The following MRGPRX3 variants were observed in gnomAD, a reference collection of about 807,000 sequenced individuals.
MRGPRX3 encodes the protein MAS related GPR family member X3.
Under a neutral mutation model 16.5 loss-of-function variants are expected in MRGPRX3, and 14 were observed. The observed-to-expected ratio is 0.85, with a 90% confidence interval of 0.56 to 1.33. The LOEUF (loss-of-function observed/expected upper bound fraction) is 1.33. Among genes scored for constraint, MRGPRX3 ranks in the 40% most tolerant of loss-of-function variants. MRGPRX3 has a pLI of 0.00. For missense variants in MRGPRX3, 449 were observed against 413.0 expected, an observed-to-expected ratio of 1.09 and a Z score of -0.76; for synonymous variants, 199 against 180.1, an observed-to-expected ratio of 1.10 and a Z score of -0.84.
intron 1 of MRGPRX3, among the ~76,000 whole-genome samples, chr11:18,127,277 T>C (rs1848910447): frequency 6.6e-6 from 1 of 152,202 alleles, no homozygotes; most frequent in Admixed American, 6.5e-5. Flanking sequence ...AGGAGTATCT[T>C]TGTGGCATTC....
intron 1 of MRGPRX3, among the ~76,000 whole-genome samples, chr11:18,133,361 G>C (rs192398428): frequency 6.6e-6 from 1 of 152,182 alleles, no homozygotes. Flanking sequence ...GAAGCCCTGC[G>C]TGGCCAACGC....
chr11:18,133,146 A>C (rs1848978137), intron 1 of MRGPRX3, among the ~76,000 whole-genome samples: 2 of 152,250 alleles, frequency 1.3e-5, no homozygotes, highest in Non-Finnish European at 2.9e-5. Context: ...AGGAAGATAT[A>C]GATGGCCCAA....
chr11:18,138,017 A>G lies in MRGPRX3; in HGVS notation c.815A>G (p.Tyr272Cys). ...AACAGCAGTGCCAACCCCATCATTTACTTCTTCGTGGGCTCCTTTAGGCAG... is the reference window on the plus strand; with the variant it reads ...AACAGCAGTGCCAACCCCATCATTTGCTTCTTCGTGGGCTCCTTTAGGCAG... Reference protein sequence around the residue: ...ALNSSANPIIYFFVGSFRQRQ... With the variant: ...ALNSSANPIICFFVGSFRQRQ... Residue 272 changes from tyrosine (Y) to cysteine (C), a missense_variant, in exon 2 of 2, where the codon TAC becomes TGC. Tyr to Cys is a radical substitution (Grantham distance 194). Coordinates refer to ENST00000621697, the MANE Select transcript of MRGPRX3 (RefSeq NM_001370464.1). 1 of 1,614,054 alleles carries G rather than the reference A, an allele frequency of 6.2e-7. No individual in the cohort carries two copies. The highest frequency in any genetic ancestry group is 8.5e-7 in the Non-Finnish European group (1 of 1,180,024).
At position 18,137,797 on chromosome 11, in the gene MRGPRX3, C is replaced by T. The variant is rs1403986304; in HGVS notation, c.595C>T (p.Leu199=). ...TCTCTGTGGGTCCAGCCTGGTCCTGCTGGTCAGGATTCTCTGTGGATCCCG... is the reference window on the plus strand; with the variant it reads ...TCTCTGTGGGTCCAGCCTGGTCCTGTTGGTCAGGATTCTCTGTGGATCCCG... ...VVLCGSSLVL[L]VRILCGSRKM... Residue 199 remains leucine, a synonymous_variant, in exon 2 of 2, where the codon CTG becomes TTG. Coordinates refer to ENST00000621697, the MANE Select transcript of MRGPRX3 (RefSeq NM_001370464.1). The T allele has an allele frequency of 6.2e-7, 1 of 1,613,790 alleles. No individual in the cohort carries two copies. Among genetic ancestry groups the T allele is most frequent in the Admixed American group, 1.7e-5 (1 of 59,990 alleles).
At chr11:18,134,427 C>T (rs144921652) in intron 1 of MRGPRX3, among the ~76,000 whole-genome samples, 25 of 152,246 alleles carry the variant, frequency 1.6e-4, no homozygotes, top group Admixed American at 1.6e-3. Flanking sequence ...TACAATATAA[C>T]AAGAACTTAT....
intron 1 of MRGPRX3, among the ~76,000 whole-genome samples, chr11:18,135,144 C>T (rs1334916015): frequency 2.0e-5 from 3 of 152,204 alleles, no homozygotes; most frequent in African/African-American, 7.2e-5. Flanking sequence ...CTTTAATTCT[C>T]TAGGCCTTAG....
intron 1 of MRGPRX3, among the ~76,000 whole-genome samples, chr11:18,134,724 G>A (rs1353533241): frequency 6.6e-6 from 1 of 152,162 alleles, no homozygotes; most frequent in Admixed American, 6.5e-5. Context: ...ATGGTTCCCA[G>A]CGACATTAGC....
chr11:18,137,240 C>G lies in MRGPRX3; in HGVS notation c.38C>G (p.Thr13Arg). The part of the protein sequence containing the change: ...STIPVLGTEL[T>R]PINGREETPC... ...ATCCCAGTCTTGGGTACAGAACTGACACCAATCAACGGACGTGAGGAGACT... is the reference window on the plus strand; with the variant it reads ...ATCCCAGTCTTGGGTACAGAACTGAGACCAATCAACGGACGTGAGGAGACT... Residue 13 changes from threonine (T) to arginine (R), a missense_variant, in exon 2 of 2, where the codon ACA becomes AGA. Physicochemically the swap from Thr to Arg is moderately conservative, Grantham distance 71. Coordinates refer to ENST00000621697, the MANE Select transcript of MRGPRX3 (RefSeq NM_001370464.1). 1 of 1,611,956 alleles carries G rather than the reference C, an allele frequency of 6.2e-7. No individual in the cohort carries two copies. Among genetic ancestry groups the G allele is most frequent in the South Asian group, 1.1e-5 (1 of 90,738 alleles).
chr11:18,127,131 G>A (rs1198008063), intron 1 of MRGPRX3, among the ~76,000 whole-genome samples: 10 of 152,264 alleles, frequency 6.6e-5, no homozygotes, highest in South Asian at 2.1e-4. Context: ...AGTTTCTGCC[G>A]AGAGATCCAC....
intron 1 of MRGPRX3, among the ~76,000 whole-genome samples, chr11:18,135,855 C>T (rs1428691447): frequency 6.6e-6 from 1 of 152,110 alleles, no homozygotes; most frequent in Admixed American, 6.6e-5. Flanking sequence ...ATATATAACC[C>T]CCCGGACAAA....
chr11:18,136,840 G>A (rs1350272682), intron 1 of MRGPRX3, among the ~76,000 whole-genome samples: 2 of 152,176 alleles, frequency 1.3e-5, no homozygotes, highest in South Asian at 2.1e-4. Context: ...ACCTCTTTGT[G>A]TATCTGAATT....
In MRGPRX3 at chr11:18,137,227, G is replaced by C. The variant is rs751326190; in HGVS notation, c.25G>C (p.Gly9Arg). MDSTIPVL[G>R]TELTPINGRE... ...CATGGATTCAACCATCCCAGTCTTGGGTACAGAACTGACACCAATCAACGG... is the reference window on the plus strand; with the variant it reads ...CATGGATTCAACCATCCCAGTCTTGCGTACAGAACTGACACCAATCAACGG... Residue 9 changes from glycine (G) to arginine (R), a missense_variant, in exon 2 of 2, where the codon GGT (glycine) becomes CGT (arginine). By Grantham distance (125) the Gly-to-Arg change is moderately radical. Transcript: ENST00000621697. The C allele has an allele frequency of 6.2e-7, 1 of 1,604,544 alleles. No individual in the cohort carries two copies.
intron 1 of MRGPRX3, among the ~76,000 whole-genome samples, chr11:18,125,735 G>T: frequency 6.6e-6 from 1 of 152,096 alleles, no homozygotes; most frequent in East Asian, 1.9e-4. Context: ...TCAAGTCTTG[G>T]ATATCCTTGT....
intron 1 of MRGPRX3, 38 bp from the exon 2 acceptor site, chr11:18,137,140 T>C: frequency 1.3e-6 from 2 of 1,528,014 alleles, no homozygotes; most frequent in Non-Finnish European, 1.8e-6. Context: ...GAATCAGAGA[T>C]CAAACAGCTG....
chr11:18,138,150 G>T lies in MRGPRX3; in HGVS notation c.948G>T (p.Ser316=), dbSNP rs149475232. The T allele has an allele frequency of 6.2e-7, 1 of 1,612,248 alleles. No homozygotes were observed. The highest frequency in any genetic ancestry group is 2.2e-5 in the East Asian group (1 of 44,842). ...TTCCTCAGGAAACCCTGGAGCTGTC[G>T]GGAAGCAGATTGGAGCAGTGAGGAA... ...GWLPQETLEL[S]GSRLEQ is the part of the protein sequence containing the mutation. Residue 316 remains serine, a synonymous_variant, in exon 2 of 2, where the codon TCG becomes TCT. Coordinates refer to ENST00000621697, the MANE Select transcript of MRGPRX3 (RefSeq NM_001370464.1).
intron 1 of MRGPRX3, among the ~76,000 whole-genome samples, chr11:18,121,835 C>T (rs991039075): frequency 3.3e-5 from 5 of 152,124 alleles, no homozygotes; most frequent in African/African-American, 1.2e-4. Flanking sequence ...ACTCCCTAAT[C>T]TCAAGTACCC....
chr11:18,133,632 G>A (rs549679626), intron 1 of MRGPRX3, among the ~76,000 whole-genome samples: 266 of 152,168 alleles, frequency 1.7e-3, no homozygotes, highest in Non-Finnish European at 3.2e-3. Flanking sequence ...GAGACGCCTC[G>A]CTCCCCCTTT....
At chr11:18,123,747 G>A (rs1848863147) in intron 1 of MRGPRX3, among the ~76,000 whole-genome samples, 1 of 152,116 alleles carries the variant, frequency 6.6e-6, no homozygotes, top group Non-Finnish European at 1.5e-5. Context: ...AGCTTGATGG[G>A]GATGGCATTG....
chr11:18,127,810 G>A (rs779537018), upstream of MRGPRX3, among the ~76,000 whole-genome samples: 6 of 152,180 alleles, frequency 3.9e-5, no homozygotes, highest in East Asian at 1.9e-4. Context: ...TTCATTGCTC[G>A]TGAGGAGCTG....
Sources: allele counts gnomAD v4.1 joint callset (sites outside exome capture counted in the v4.1 genomes callset), GRCh38; gene constraint gnomAD v4.1.1; transcripts MANE v1.5; gene names NCBI Gene and HGNC (gene_info 2026-07-23, HGNC 2026-07-21).